DSCAML1: variants seen among roughly 807,000 people sequenced by gnomAD.
DSCAML1 encodes DS cell adhesion molecule like 1, also known as cell adhesion molecule DSCAML1.
DSCAML1 carries 38 observed loss-of-function variants against 200.5 expected under a neutral mutation model. The observed-to-expected ratio is 0.19, with a 90% CI of 0.15 to 0.25. The LOEUF (loss-of-function observed/expected upper bound fraction) is 0.25, where lower values mean the gene tolerates loss of function less well. Ranked by LOEUF, DSCAML1 falls within the 10% of genes least tolerant of loss-of-function variation. DSCAML1 has a pLI of 1.00. For synonymous variants in DSCAML1, 1,215 were observed against 1,165.0 expected (o/e 1.04, Z -0.87); for missense variants, 2,223 against 2,858.8 (o/e 0.78, Z 5.07).
chr11:117,429,622 C>T (rs931248607), intron 32 of DSCAML1, among the ~76,000 whole-genome samples: 7 of 152,242 alleles, frequency 4.6e-5, no homozygotes, highest in Admixed American at 1.3e-4. Context: ...GATCCGCCTG[C>T]CTTGGCCTCC....
At chr11:117,595,659 G>A (rs188827080) in intron 3 of DSCAML1, among the ~76,000 whole-genome samples, 33 of 152,248 alleles carry the variant, frequency 2.2e-4, no homozygotes, top group African/African-American at 7.7e-4. Flanking sequence ...CCTCTCCCTG[G>A]TGATGCATTT....
chr11:117,618,842 T>A (rs1227285450), intron 3 of DSCAML1, among the ~76,000 whole-genome samples: 1 of 152,148 alleles, frequency 6.6e-6, no homozygotes, highest in Admixed American at 6.5e-5. Flanking sequence ...CCAGCACTTG[T>A]GGGCTTGTCA....
intron 3 of DSCAML1, among the ~76,000 whole-genome samples, chr11:117,607,976 T>A (rs1211441799): frequency 6.6e-6 from 1 of 152,234 alleles, no homozygotes; most frequent in Non-Finnish European, 1.5e-5. Flanking sequence ...TTTCTTTACG[T>A]GATGAGCTTG....
intron 3 of DSCAML1, among the ~76,000 whole-genome samples, chr11:117,669,893 G>A (rs2053067748): frequency 6.6e-6 from 1 of 152,254 alleles, no homozygotes; most frequent in African/African-American, 2.4e-5. Flanking sequence ...GCATGAGATG[G>A]GCTCAAAGAG....
chr11:117,650,650 A>G (rs1402531094), intron 3 of DSCAML1, among the ~76,000 whole-genome samples: 1 of 148,442 alleles, frequency 6.7e-6, no homozygotes, highest in African/African-American at 2.5e-5. Flanking sequence ...CATTCTGTTT[A>G]AAGTGTGTGT....
Position 117,772,831 on chromosome 11 carries a change from A to G in DSCAML1, c.511+3960T>C, listed in dbSNP as rs142688603. Among the ~76,000 whole-genome samples, 45 of 152,300 alleles carry G rather than the reference A, an allele frequency of 3.0e-4. 1 individual carries two copies. Among genetic ancestry groups the G allele is most frequent in the African/African-American group, 1.1e-3 (44 of 41,558 alleles). On this transcript the variant is annotated intron_variant, in intron 3 of 32. Transcript: ENST00000651296. ...TGCCAGCCTTGGAGAGCCAGTTCAC[A>G]CCAGGATCAGTTCCCTGGAGAGAGA...
chr11:117,594,202 C>T (rs1288385136), intron 3 of DSCAML1, among the ~76,000 whole-genome samples: 1 of 152,154 alleles, frequency 6.6e-6, no homozygotes, highest in Non-Finnish European at 1.5e-5. Flanking sequence ...GATCAGGCTC[C>T]ATTTCAGAGA....
At chr11:117,488,114 T>C (rs2049113509) in intron 11 of DSCAML1, among the ~76,000 whole-genome samples, 1 of 152,206 alleles carries the variant, frequency 6.6e-6, no homozygotes, top group African/African-American at 2.4e-5. Flanking sequence ...CAGGGAATCC[T>C]CTTCCCCTCT....
At chr11:117,636,152 A>G (rs1383217372) in intron 3 of DSCAML1, among the ~76,000 whole-genome samples, 1 of 152,176 alleles carries the variant, frequency 6.6e-6, no homozygotes, top group Admixed American at 6.5e-5. Flanking sequence ...AAGGTTCGTA[A>G]GATAAATGAT....
rs1200946282 is a variant in DSCAML1 at position 117,504,749 on chromosome 11, G to T, written c.2182+175C>A. Among the ~76,000 whole-genome samples, 1 of 152,146 alleles carries T rather than the reference G, an allele frequency of 6.6e-6. No homozygotes were observed. The highest frequency in any genetic ancestry group is 2.4e-5 in the African/African-American group (1 of 41,420). On this transcript the variant is annotated intron_variant, in intron 10 of 32. Transcript: ENST00000651296. The surrounding 1 kb of genome is among the most constrained non-coding windows in gnomAD (Gnocchi z 5.0). ...TGTTCCTGGTCCACAGACCCCCGGGGGTGGCTGAGGATGACTCCAGGTGAG... is the reference window on the plus strand; with the variant it reads ...TGTTCCTGGTCCACAGACCCCCGGGTGTGGCTGAGGATGACTCCAGGTGAG...
chr11:117,696,201 C>A (rs1231387781), intron 3 of DSCAML1, among the ~76,000 whole-genome samples: 1 of 152,184 alleles, frequency 6.6e-6, no homozygotes, highest in Admixed American at 6.5e-5. Context: ...CGGGGTACAG[C>A]TGCCTCGAGT....
chr11:117,738,407 T>C (rs780586240), intron 3 of DSCAML1, among the ~76,000 whole-genome samples: 8 of 152,064 alleles, frequency 5.3e-5, no homozygotes, highest in Non-Finnish European at 1.2e-4. Flanking sequence ...CCCTAGATGC[T>C]GACGTCAGCC....
chr11:117,469,782 T>C lies in DSCAML1; in HGVS notation c.3024+128A>G, dbSNP rs954948684. ...TCCATCTCTCAAATCTCACTAGGTT[T>C]AGTGACAAAACAGACATGGGCATCA... On this transcript the variant is annotated intron_variant, in intron 16 of 32. Transcript: ENST00000651296. The surrounding 1 kb of genome is among the most constrained non-coding windows in gnomAD (Gnocchi z 4.1). 1 of 786,948 alleles carries C rather than the reference T, an allele frequency of 1.3e-6. No homozygotes were observed. The highest frequency in any genetic ancestry group is 1.9e-6 in the Non-Finnish European group (1 of 537,952). The allele number at this position is 786,948 out of a possible 1,614,324, so 48.7% of individuals were successfully genotyped here.
chr11:117,815,109 G>A (rs17666283), intron 1 of DSCAML1, among the ~76,000 whole-genome samples: 13,289 of 152,250 alleles, frequency 0.087, 703 homozygotes, highest in Middle Eastern at 0.14. Context: ...CTTGCTGGGC[G>A]CCTCTGTGTT....
At chr11:117,557,440 G>C (rs898957443) in intron 3 of DSCAML1, among the ~76,000 whole-genome samples, 5 of 152,202 alleles carry the variant, frequency 3.3e-5, no homozygotes, top group African/African-American at 1.2e-4. Context: ...CCCTGGAGGG[G>C]GTTGGGTACA....
chr11:117,649,041 A>ATATATATGTGTGTG (rs768621807), intron 3 of DSCAML1, among the ~76,000 whole-genome samples: 15 of 137,932 alleles, frequency 1.1e-4, no homozygotes, highest in African/African-American at 4.3e-4. Context: ...CTCCATATAT[A>ATATATATGTGTGTG]TGTGTGTGTG....
At chr11:117,448,635 G>GT (rs1278232600) in intron 20 of DSCAML1, among the ~76,000 whole-genome samples, 1 of 119,336 alleles carries the variant, frequency 8.4e-6, no homozygotes, top group Admixed American at 8.9e-5. Context: ...GTGTGTGTGT[G>GT]TGTGGGGGGT....
intron 11 of DSCAML1, among the ~76,000 whole-genome samples, chr11:117,484,818 G>T (rs909402025): frequency 6.6e-6 from 1 of 152,100 alleles, no homozygotes; most frequent in Admixed American, 6.5e-5. Context: ...GGGCCCTGAG[G>T]CCTCCTTCCT....
chr11:117,497,857 C>T (rs941554984), intron 11 of DSCAML1, among the ~76,000 whole-genome samples: 2 of 152,266 alleles, frequency 1.3e-5, no homozygotes, highest in Non-Finnish European at 2.9e-5. Context: ...ACTCAGCACC[C>T]AGGCCTCAGC....
Sources: gnomAD v4.1 joint callset for allele counts (sites outside exome capture counted in the v4.1 genomes callset) on GRCh38, gnomAD v4.1.1 for gene constraint, Gnocchi (gnomAD v3.1) non-coding constraint, MANE v1.5 for transcripts, NCBI Gene and HGNC (gene_info 2026-07-23, HGNC 2026-07-21) for gene names.